The following TEX29 variants were observed in gnomAD, a reference collection of about 807,000 sequenced individuals.
The protein encoded by TEX29 is testis expressed 29, also known as testis-expressed protein 29.
In TEX29, 26 loss-of-function variants were observed where a neutral mutation model predicts 18.2. The observed-to-expected ratio is 1.43, with a 90% CI of 1.04 to 1.98. TEX29 has a LOEUF of 1.98. Among genes scored for constraint, TEX29 ranks in the 30% most tolerant of loss-of-function variants. The pLI is 0.00. For missense variants in TEX29, 177 were observed against 194.2 expected, an observed-to-expected ratio of 0.91 and a Z score of 0.53; for synonymous variants, 83 against 78.5, an observed-to-expected ratio of 1.06 and a Z score of -0.31.
At chr13:111,320,580 C>T (rs1164136263), upstream of TEX29, 2 of 483,252 alleles carry the variant, frequency 4.1e-6, no homozygotes, top group African/African-American at 3.9e-5. Flanking sequence ...CACGTGACCT[C>T]ATGAGGCTGT....
Position 111,330,603 on chromosome 13 carries a change from T to C in TEX29, c.169+2310T>C, listed in dbSNP as rs548592485. ...TTTACCAAGATACTATACCATAAAA[T>C]TCACCTTTTAAAGTATACAATTCAG... On this transcript the variant is annotated intron_variant, in intron 3 of 5. Coordinates refer to ENST00000283547, the MANE Select transcript of TEX29 (RefSeq NM_152324.3). 1.2e-4 allele frequency among the ~76,000 whole-genome samples: 18 copies of C among 152,334 alleles called. No individual in the cohort carries two copies. The South Asian group carries it at 2.1e-3, about 18-fold the overall frequency.
upstream of TEX29, among the ~76,000 whole-genome samples, chr13:111,318,624 C>T (rs1339650315): frequency 6.6e-6 from 1 of 152,162 alleles, no homozygotes; most frequent in African/African-American, 2.4e-5. Flanking sequence ...CATCTGTCTC[C>T]ACTCCTTCCC....
chr13:111,316,214 C>T, upstream of TEX29: 2 of 505,150 alleles, frequency 4.0e-6, no homozygotes, highest in East Asian at 5.6e-5. Flanking sequence ...GAACCTGATG[C>T]CAGCCATCTG....
At chr13:111,333,309 TTATC>T (rs925925572) in intron 3 of TEX29, among the ~76,000 whole-genome samples, 8 of 152,240 alleles carry the variant, frequency 5.3e-5, no homozygotes, top group African/African-American at 1.9e-4. Context: ...ATTCTTTCTG[TTATC>T]TTTCTCCTCT....
Position 111,328,245 on chromosome 13 carries a change from C to T in TEX29, c.121C>T (p.Leu41Phe), listed in dbSNP as rs778221591. Residue 41 changes from leucine to phenylalanine, a missense_variant, in exon 3 of 6, where the codon CTC becomes TTC. By Grantham distance (22) the Leu-to-Phe change is conservative (BLOSUM62 0). Transcript: ENST00000283547. The part of the protein sequence containing the change: ...YNVSRDRCQE[L>F]GCCFYEGVCY... Reference sequence around the variant, plus strand: ...CGTCTCCAGGGACCGATGCCAGGAGCTCGGGTGCTGCTTCTACGAAGGCGT... The same window carrying T: ...CGTCTCCAGGGACCGATGCCAGGAGTTCGGGTGCTGCTTCTACGAAGGCGT... The T allele has an allele frequency of 1.3e-5, 21 of 1,614,068 alleles. No individual in the cohort carries two copies. The Admixed American group carries it at 3.5e-4, about 27-fold the overall frequency.
intron 2 of TEX29, among the ~76,000 whole-genome samples, chr13:111,323,592 G>A (rs1313026310): frequency 2.0e-5 from 3 of 152,142 alleles, no homozygotes; most frequent in Non-Finnish European, 4.4e-5. Context: ...CACAGGCTCG[G>A]GGGTCTGTGG....
rs149015988 is a variant in TEX29 at position 111,328,250 on chromosome 13, G to A, written c.126G>A (p.Gly42=). The part of the protein sequence containing the change: ...NVSRDRCQEL[G]CCFYEGVCYK... ...CCAGGGACCGATGCCAGGAGCTCGG[G>A]TGCTGCTTCTACGAAGGCGTCTGCT... The change falls in exon 3 of 6, where the codon GGG becomes GGA. Residue 42 remains glycine (G), a synonymous_variant. Transcript: ENST00000283547. 614 of 1,613,932 alleles carry A rather than the reference G, an allele frequency of 3.8e-4. No individual in the cohort carries two copies. The highest frequency in any genetic ancestry group is 6.0e-4 in the Admixed American group (36 of 60,008).
intron 3 of TEX29, 135 bp downstream of exon 3, chr13:111,328,428 C>A (rs1276501758): frequency 3.1e-6 from 2 of 654,160 alleles, no homozygotes; most frequent in Non-Finnish European, 5.5e-6. Flanking sequence ...CTGGCCAACT[C>A]TTCTGCTCCG....
intron 2 of TEX29, among the ~76,000 whole-genome samples, chr13:111,323,670 G>A (rs7981387): frequency 0.042 from 6,295 of 151,504 alleles, 339 homozygotes; most frequent in African/African-American, 0.13. Context: ...ATCCCCATCC[G>A]TGGTTCACAC....
At chr13:111,338,324 G>A (rs982606849) in intron 3 of TEX29, among the ~76,000 whole-genome samples, 2 of 152,196 alleles carry the variant, frequency 1.3e-5, no homozygotes. Context: ...CACAGAGACA[G>A]AGGAAAGACA....
Position 111,320,964 on chromosome 13 carries a change from G to T in TEX29, c.58+16G>T. On this transcript the variant is annotated intron_variant, in intron 2 of 5. Transcript: ENST00000283547. Reference sequence around the variant, plus strand: ...CAATTCACAGGTATGGAGGGAAGGCGCCAGGGGGGCGGGTGGGGTGGGGGA... The same window carrying T: ...CAATTCACAGGTATGGAGGGAAGGCTCCAGGGGGGCGGGTGGGGTGGGGGA... 1 of 1,440,016 alleles carries T rather than the reference G, an allele frequency of 6.9e-7. No individual in the cohort carries two copies. Among genetic ancestry groups the T allele is most frequent in the Non-Finnish European group, 9.5e-7 (1 of 1,051,240 alleles). 89.2% of individuals were successfully genotyped at this position (1,440,016 alleles called of 1,614,324 possible).
At chr13:111,320,603 C>T (rs1477070834), upstream of TEX29, 36 of 514,518 alleles carry the variant, frequency 7.0e-5, no homozygotes, top group East Asian at 1.0e-3. Context: ...GATGTCACAG[C>T]GGGCGGGGTG....
intron 3 of TEX29, chr13:111,339,370 A>C: frequency 2.2e-6 from 1 of 455,280 alleles, no homozygotes; most frequent in Non-Finnish European, 4.4e-6. Flanking sequence ...CAGAGGGGCC[A>C]GCGCCATCTC....
At chr13:111,338,351 G>A (rs2093692495) in intron 3 of TEX29, among the ~76,000 whole-genome samples, 1 of 152,126 alleles carries the variant, frequency 6.6e-6, no homozygotes, top group East Asian at 1.9e-4. Context: ...TGACAATAGG[G>A]GCAGAGACTG....
At chr13:111,328,075 C>T (rs2153641524) in intron 2 of TEX29, 108 bp from the exon 3 acceptor site, 1 of 674,164 alleles carries the variant, frequency 1.5e-6, no homozygotes, top group East Asian at 2.7e-5. Context: ...AACAAAACCA[C>T]AACACAAACC....
At chr13:111,343,158 C>T (rs1566322730) in intron 5 of TEX29, among the ~76,000 whole-genome samples, 1 of 152,210 alleles carries the variant, frequency 6.6e-6, no homozygotes. Flanking sequence ...TGTCCTCCCC[C>T]TTCCCATCCC....
intron 3 of TEX29, among the ~76,000 whole-genome samples, chr13:111,337,377 A>T (rs74126346): frequency 2.0e-5 from 3 of 152,096 alleles, no homozygotes; most frequent in African/African-American, 7.2e-5. Context: ...TTGATACCAG[A>T]TGTTATAGGA....
At chr13:111,337,974 C>T (rs1029178621) in intron 3 of TEX29, among the ~76,000 whole-genome samples, 1 of 152,172 alleles carries the variant, frequency 6.6e-6, no homozygotes, top group Non-Finnish European at 1.5e-5. Flanking sequence ...TGGCTTCAAT[C>T]CCCTCTCAGT....
At chr13:111,325,512 G>T (rs1410464217) in intron 2 of TEX29, among the ~76,000 whole-genome samples, 2 of 152,244 alleles carry the variant, frequency 1.3e-5, no homozygotes, top group Non-Finnish European at 2.9e-5. Flanking sequence ...GGCCCCCTTG[G>T]CAGCTGTGAC....
Sources: allele counts gnomAD v4.1 joint callset (sites outside exome capture counted in the v4.1 genomes callset), GRCh38; gene constraint gnomAD v4.1.1; transcripts MANE v1.5; gene names NCBI Gene and HGNC (gene_info 2026-07-23, HGNC 2026-07-21).